The following XRRA1 variants were observed in gnomAD, a reference collection of about 807,000 sequenced individuals.
XRRA1 encodes the protein X-ray radiation resistance associated 1.
In XRRA1, 69 loss-of-function variants were observed where a neutral mutation model predicts 80.2. That is an observed-to-expected ratio of 0.86 (90% CI 0.71 to 1.05). The LOEUF (loss-of-function observed/expected upper bound fraction) is 1.05. Among genes scored for constraint, XRRA1 ranks in the 50% least tolerant of loss-of-function variants. The pLI is 0.00. For missense variants in XRRA1, 967 were observed against 976.4 expected (o/e 0.99, Z 0.13); for synonymous variants, 348 against 389.9 (o/e 0.89, Z 1.27).
In XRRA1 at chr11:74,919,702, A is replaced by G. The variant is rs889022306; in HGVS notation, c.656+1512T>C. 6 of 516,004 alleles carry G rather than the reference A, an allele frequency of 1.2e-5. No individual in the cohort carries two copies. In the African/African-American group the frequency reaches 1.2e-4, roughly 10 times the overall value. The allele number at this position is 516,004 out of a possible 1,614,324, so 32.0% of individuals were successfully genotyped here. A position where few individuals can be genotyped will look rare whatever the true frequency, so the allele number is the denominator to read the frequency against. On this transcript the variant is annotated intron_variant, in intron 8 of 18. Transcript: ENST00000684022. ...AAGTGCATCCATGGAGTGGGCTTCA[A>G]GAAGCATGCCCCTTGAGCACTCAAA...
In XRRA1 at chr11:74,926,913, C is replaced by A. The variant is rs760341519; in HGVS notation, c.522+478G>T. ...CTATAGCCTGCTCTATCCCAGCCAC[C>A]GAGACTGATTCAGCTCACTTAGACC... is the stretch of plus-strand genomic sequence containing the variant. On this transcript the variant is annotated intron_variant, in intron 7 of 18. Coordinates refer to ENST00000684022, the MANE Select transcript of XRRA1 (RefSeq NM_001378157.1). 2.0e-5 allele frequency among the ~76,000 whole-genome samples: 3 copies of A among 152,014 alleles called. No individual in the cohort carries two copies. The South Asian group carries it at 6.2e-4, about 32-fold the overall frequency.
intron 10 of XRRA1, among the ~76,000 whole-genome samples, chr11:74,888,119 G>A (rs892628275): frequency 3.6e-4 from 55 of 152,324 alleles, no homozygotes; most frequent in African/African-American, 1.2e-3. Context: ...TGGACAGACT[G>A]CCTCCTCAAG....
rs941206518 is a variant in XRRA1, at chr11:74,932,289, G to A, written c.351+1512C>T. Among the ~76,000 whole-genome samples the A allele has an allele frequency of 3.9e-5, 6 of 152,172 alleles. No individual in the cohort carries two copies. In the South Asian group the frequency reaches 1.2e-3, roughly 32 times the overall value. ...AAGCTAGCAAGCATCCACTCATCCCGTGGGTCTCAGCTAAGCTACCACCCT... is the reference window on the plus strand; with the variant it reads ...AAGCTAGCAAGCATCCACTCATCCCATGGGTCTCAGCTAAGCTACCACCCT... On this transcript the variant is annotated intron_variant, in intron 5 of 18. Coordinates refer to ENST00000684022, the MANE Select transcript of XRRA1 (RefSeq NM_001378157.1).
At chr11:74,898,289 A>G (rs1159356291) in intron 10 of XRRA1, among the ~76,000 whole-genome samples, 1 of 152,196 alleles carries the variant, frequency 6.6e-6, no homozygotes, top group Non-Finnish European at 1.5e-5. Flanking sequence ...ATAAAATGCA[A>G]GAAATTAAAA....
Position 74,937,008 on chromosome 11 carries a change from A to G in XRRA1, c.155T>C (p.Val52Ala). ...TTCCCGACGTTCAGCTTGTGCTCCA[A>G]CCAAACCCTTGGGCTTCTTCTTGAG... ...GNLKKKPKGL[V>A]GAQAERRESL... The change falls in exon 4 of 19, where the codon GTT (valine) becomes GCT (alanine). Residue 52 changes from valine (V) to alanine (A), a missense_variant. Transcript: ENST00000684022. The G allele has an allele frequency of 6.2e-7, 1 of 1,613,850 alleles. No individual in the cohort carries two copies. Among genetic ancestry groups the G allele is most frequent in the Non-Finnish European group, 8.5e-7 (1 of 1,179,870 alleles).
chr11:74,858,818 T>C (rs1224544544), intron 12 of XRRA1, among the ~76,000 whole-genome samples: 1 of 152,162 alleles, frequency 6.6e-6, no homozygotes, highest in Non-Finnish European at 1.5e-5. Flanking sequence ...ACACTAAGCA[T>C]GCTCATATTG....
At chr11:74,915,456 G>A (rs1434062209) in intron 8 of XRRA1, among the ~76,000 whole-genome samples, 2 of 152,118 alleles carry the variant, frequency 1.3e-5, no homozygotes, top group Non-Finnish European at 2.9e-5. Context: ...AGGGATGAAG[G>A]CTACACACTT....
At chr11:74,863,747 T>G (rs1304914316) in intron 10 of XRRA1, 1 of 152,192 alleles carries the variant, frequency 6.6e-6, no homozygotes, top group African/African-American at 2.4e-5. Flanking sequence ...ACAAGTCACA[T>G]GAAAATGAAG....
At chr11:74,891,420 A>G (rs556032129) in intron 10 of XRRA1, among the ~76,000 whole-genome samples, 13 of 152,232 alleles carry the variant, frequency 8.5e-5, no homozygotes, top group Non-Finnish European at 1.9e-4. Flanking sequence ...AGTAAGAGCT[A>G]TTTATGACAA....
chr11:74,842,803 C>A lies in XRRA1; in HGVS notation c.*397G>T. 1 of 195,954 alleles carries A rather than the reference C, an allele frequency of 5.1e-6. No individual in the cohort carries two copies. Among genetic ancestry groups the A allele is most frequent in the East Asian group, 1.3e-4 (1 of 7,710 alleles). 12.1% of individuals were successfully genotyped at this position (195,954 alleles called of 1,614,324 possible). A position where few individuals can be genotyped will look rare whatever the true frequency, so the allele number is the denominator to read the frequency against. On this transcript the variant is annotated 3_prime_UTR_variant, in exon 19 of 19. Coordinates refer to ENST00000684022, the MANE Select transcript of XRRA1 (RefSeq NM_001378157.1). The stretch of plus-strand genomic sequence containing the variant: ...TTTTAAAAATACCCTTTTTTGGAGC[C>A]ATTGTTCAGGAATTTGTTAAGATCC...
intron 4 of XRRA1, among the ~76,000 whole-genome samples, chr11:74,936,682 C>T (rs901537669): frequency 6.6e-6 from 1 of 152,224 alleles, no homozygotes; most frequent in African/African-American, 2.4e-5. Flanking sequence ...ATACCTATCT[C>T]ACTAGGTAGA....
rs907223889 is a variant in XRRA1, at chr11:74,845,335, G to A, written c.1729-64C>T. Reference sequence around the variant, plus strand: ...TCATTCATTCATTCCATGAACATTCGGAGTATCATCTCTGTGCTGGTCTCT... The same window carrying A: ...TCATTCATTCATTCCATGAACATTCAGAGTATCATCTCTGTGCTGGTCTCT... On this transcript the variant is annotated intron_variant, in intron 15 of 18. Coordinates refer to ENST00000684022, the MANE Select transcript of XRRA1 (RefSeq NM_001378157.1). 2.3e-5 allele frequency: 35 copies of A among 1,509,458 alleles called. 1 individual carries two copies. The highest frequency in any genetic ancestry group is 7.9e-5 in the Admixed American group (4 of 50,484). The allele number at this position is 1,509,458 out of a possible 1,614,324, so 93.5% of individuals were successfully genotyped here.
At chr11:74,939,039 T>C (rs1945729651) in intron 3 of XRRA1, among the ~76,000 whole-genome samples, 1 of 152,224 alleles carries the variant, frequency 6.6e-6, no homozygotes, top group South Asian at 2.1e-4. Flanking sequence ...TTCTACATTT[T>C]CTAGTTGGAA....
At chr11:74,879,869 G>A (rs2047060566) in intron 10 of XRRA1, among the ~76,000 whole-genome samples, 1 of 152,050 alleles carries the variant, frequency 6.6e-6, no homozygotes, top group East Asian at 1.9e-4. Context: ...CGTTTTGTCA[G>A]TATTTTATTG....
At chr11:74,946,830 C>T (rs1257077826) in intron 1 of XRRA1, among the ~76,000 whole-genome samples, 1 of 151,864 alleles carries the variant, frequency 6.6e-6, no homozygotes, top group Non-Finnish European at 1.5e-5. Flanking sequence ...CAGCTCACTG[C>T]AAGCTCCGCC....
Position 74,948,947 on chromosome 11 carries a change from A to G in XRRA1, c.-92T>C, listed in dbSNP as rs1948222962. On this transcript the variant is annotated 5_prime_UTR_variant, in exon 1 of 19. Coordinates refer to ENST00000684022, the MANE Select transcript of XRRA1 (RefSeq NM_001378157.1). ...TCGCACCTGCCTCCGGCGTCGCTTC[A>G]GCCTCCGAGGGGTCTGCGGAGGCGA... 1 of 201,914 alleles carries G rather than the reference A, an allele frequency of 5.0e-6. No homozygotes were observed. The highest frequency in any genetic ancestry group is 1.0e-5 in the Non-Finnish European group (1 of 98,394). The allele number at this position is 201,914 out of a possible 1,614,324, so 12.5% of individuals were successfully genotyped here. A position where few individuals can be genotyped will look rare whatever the true frequency, so the allele number is the denominator to read the frequency against.
intron 2 of XRRA1, among the ~76,000 whole-genome samples, chr11:74,943,559 G>A (rs1348656104): frequency 2.2e-5 from 3 of 134,812 alleles, no homozygotes; most frequent in African/African-American, 8.0e-5. Flanking sequence ...GTGTGTGTGT[G>A]TGTATGTGTC....
rs749206551 is a variant in XRRA1, at chr11:74,848,324, T to G, written c.1519A>C (p.Thr507Pro). Residue 507 changes from threonine (T) to proline (P), a missense_variant, in exon 15 of 19, where the codon ACT becomes CCT. Physicochemically the swap from Thr to Pro is conservative, Grantham distance 38. Coordinates refer to ENST00000684022, the MANE Select transcript of XRRA1 (RefSeq NM_001378157.1). ...LAEDLPTTKS[T>P]SVESEMPTEN... ...GTGGGCATCTCTGACTCCACAGAAG[T>G]GCTTTTGGTAGTGGGCAGATCTTCA... 1.2e-6 allele frequency: 2 copies of G among 1,613,848 alleles called. No individual in the cohort carries two copies. The highest frequency in any genetic ancestry group is 1.7e-6 in the Non-Finnish European group (2 of 1,179,844).
intron 10 of XRRA1, among the ~76,000 whole-genome samples, chr11:74,884,576 A>G (rs2048548586): frequency 6.6e-6 from 1 of 152,216 alleles, no homozygotes; most frequent in South Asian, 2.1e-4. Context: ...ATTTCACTGC[A>G]GATCCAGCAA....
Sources: gnomAD v4.1 joint callset for allele counts (sites outside exome capture counted in the v4.1 genomes callset) on GRCh38, gnomAD v4.1.1 for gene constraint, MANE v1.5 for transcripts, NCBI Gene and HGNC (gene_info 2026-07-23, HGNC 2026-07-21) for gene names.